Variants in TBL1X observed in about 807,000 individuals in gnomAD.
TBL1X encodes the protein transducin beta like 1 X-linked, also known as F-box-like/WD repeat-containing protein TBL1X.
In TBL1X, 10 loss-of-function variants were observed where a neutral mutation model predicts 50.7. The ratio of observed to expected loss-of-function variants is 0.20; its 90% CI spans 0.12 to 0.33. The LOEUF is 0.33. Ranked by LOEUF, TBL1X falls within the 10% of genes least tolerant of loss-of-function variation. The probability of loss-of-function intolerance (pLI) is 1.00; values close to 1 mark genes in which losing one functional copy is unlikely to be tolerated. For missense variants in TBL1X, 340 were observed against 504.4 expected (o/e 0.67, Z 3.12); for synonymous variants, 190 against 214.7 (o/e 0.88, Z 1.01).
intron 2 of TBL1X, among the ~76,000 whole-genome samples, chrX:9,613,426 G>A (rs767810736): frequency 9.0e-6 from 1 of 111,327 alleles, no homozygotes; most frequent in South Asian, 3.8e-4. Flanking sequence ...CACTTCCTTG[G>A]TTACTGGAAT....
intron 15 of TBL1X, among the ~76,000 whole-genome samples, chrX:9,711,016 A>G (rs1309655295): frequency 8.9e-6 from 1 of 112,129 alleles, no homozygotes; most frequent in Non-Finnish European, 1.9e-5. Context: ...TAAATATTCT[A>G]CAAAAATATT....
At chrX:9,547,061 G>A (rs1426123559) in intron 2 of TBL1X, among the ~76,000 whole-genome samples, 5 of 108,688 alleles carry the variant, frequency 4.6e-5, no homozygotes, top group African/African-American at 1.0e-4. Context: ...CTCGTGATCC[G>A]CCCGCCTCGG....
chrX:9,575,312 A>G (rs770184630), intron 2 of TBL1X, among the ~76,000 whole-genome samples: 3 of 111,426 alleles, frequency 2.7e-5, no homozygotes, highest in Non-Finnish European at 5.7e-5. Context: ...TCGACATGAG[A>G]TTTGGGTGGG....
At chrX:9,658,469 G>T (rs1165551406) in intron 5 of TBL1X, among the ~76,000 whole-genome samples, 1 of 110,722 alleles carries the variant, frequency 9.0e-6, no homozygotes, top group Non-Finnish European at 1.9e-5. Context: ...GGGGAGTCGT[G>T]AGTTGTGTGC....
intron 2 of TBL1X, among the ~76,000 whole-genome samples, chrX:9,631,836 G>A (rs941711711): frequency 3.6e-5 from 4 of 112,525 alleles, no homozygotes; most frequent in African/African-American, 6.5e-5. Context: ...TTTTCCATCC[G>A]AAGTTTTTCT....
In TBL1X at chrX:9,654,286, G is replaced by A; in HGVS notation, c.175G>A (p.Val59Met). The change falls in exon 5 of 18, where the codon GTG becomes ATG. Residue 59 changes from valine (V) to methionine (M), a missense_variant. Val to Met is a conservative substitution (Grantham distance 21, BLOSUM62 1). Transcript: ENST00000645353. ...EAKMSITSDE[V>M]NFLVYRYLQE... Reference sequence around the variant, plus strand: ...TAAGATGAGCATAACCAGTGACGAGGTGAACTTTCTGGTGTATCGGTATCT... The same window carrying A: ...TAAGATGAGCATAACCAGTGACGAGATGAACTTTCTGGTGTATCGGTATCT... The A allele has an allele frequency of 8.3e-7, 1 of 1,210,877 alleles. No individual in the cohort carries two copies. The highest frequency in any genetic ancestry group is 1.1e-6 in the Non-Finnish European group (1 of 895,487).
At chrX:9,669,860 C>G (rs906409157) in intron 5 of TBL1X, among the ~76,000 whole-genome samples, 16 of 111,508 alleles carry the variant, frequency 1.4e-4, no homozygotes, top group African/African-American at 5.2e-4. Context: ...ATTGAAACCA[C>G]CTTTGCAAAA....
intron 1 of TBL1X, among the ~76,000 whole-genome samples, chrX:9,470,727 C>T (rs751884535): frequency 6.7e-4 from 75 of 111,324 alleles, no homozygotes; most frequent in African/African-American, 2.3e-3. Context: ...CTCCGCTTCC[C>T]GGGATCAAGC....
At position 9,509,203 on chromosome X, in the gene TBL1X, T is replaced by C. The variant is rs59106948; in HGVS notation, c.-131+7354T>C. ...GAGATCGAAATCATCCTGGCTAACA[T>C]GGTGAAACACCGTCTCTACTAAAAA... On this transcript the variant is annotated intron_variant, in intron 2 of 17. Coordinates refer to ENST00000645353, the MANE Select transcript of TBL1X (RefSeq NM_005647.4). Among the ~76,000 whole-genome samples the C allele has an allele frequency of 5.3e-3, 566 of 106,361 alleles. 3 individuals carry two copies. Among genetic ancestry groups the C allele is most frequent in the African/African-American group, 0.015 (436 of 29,133 alleles). 92.4% of individuals were successfully genotyped at this position (106,361 alleles called of 115,157 possible).
At chrX:9,690,982 C>T (rs2083093101) in intron 7 of TBL1X, among the ~76,000 whole-genome samples, 1 of 111,547 alleles carries the variant, frequency 9.0e-6, no homozygotes, top group Admixed American at 9.5e-5. Flanking sequence ...TGGTCTCAAG[C>T]AGTCCTCCCT....
At chrX:9,691,481 T>C in intron 7 of TBL1X, 98 bp from the exon 8 acceptor site, 1 of 890,610 alleles carries the variant, frequency 1.1e-6, no homozygotes, top group Admixed American at 3.0e-5. Flanking sequence ...AGGTAGTATT[T>C]AGTACATAAA....
At chrX:9,682,531 A>G (rs1400780790) in intron 5 of TBL1X, among the ~76,000 whole-genome samples, 1 of 112,167 alleles carries the variant, frequency 8.9e-6, no homozygotes, top group Non-Finnish European at 1.9e-5. Flanking sequence ...GAGGGAGAGT[A>G]GACAGAGAAA....
intron 2 of TBL1X, among the ~76,000 whole-genome samples, chrX:9,555,782 A>G (rs758466087): frequency 1.3e-4 from 15 of 111,881 alleles, no homozygotes; most frequent in Admixed American, 4.8e-4. Context: ...GAAATTAGGG[A>G]CTACCATGAA....
intron 2 of TBL1X, among the ~76,000 whole-genome samples, chrX:9,575,820 T>C (rs1401589121): frequency 8.9e-6 from 1 of 111,978 alleles, no homozygotes; most frequent in Non-Finnish European, 1.9e-5. Flanking sequence ...ATAAATATTA[T>C]AATGCTGTGC....
At chrX:9,678,174 A>G (rs1185043634) in intron 5 of TBL1X, among the ~76,000 whole-genome samples, 1 of 110,783 alleles carries the variant, frequency 9.0e-6, no homozygotes, top group Non-Finnish European at 1.9e-5. Context: ...TTTTTTCTGG[A>G]TATTTTTGAT....
chrX:9,710,546 G>A (rs1210067826), intron 15 of TBL1X, among the ~76,000 whole-genome samples: 3 of 111,930 alleles, frequency 2.7e-5, no homozygotes, highest in Non-Finnish European at 5.6e-5. Flanking sequence ...GGTACTATTA[G>A]GAGCATAAAT....
chrX:9,711,488 AG>A, intron 15 of TBL1X, 122 bp from the exon 16 acceptor site: 2 of 663,463 alleles, frequency 3.0e-6, no homozygotes, highest in Non-Finnish European at 4.2e-6. Context: ...AAAGCTTTTT[AG>A]TTATTATCTT....
rs763579837 is a variant in TBL1X, at chrX:9,607,671, C to T, written c.-130-32602C>T. On this transcript the variant is annotated intron_variant, in intron 2 of 17. Coordinates refer to ENST00000645353, the MANE Select transcript of TBL1X (RefSeq NM_005647.4). Reference sequence around the variant, plus strand: ...TTCTTCCCTGGAGAGTTCTCACCTTCCCTGCTTTCCAAGTCCAGCTGAGAT... The same window carrying T: ...TTCTTCCCTGGAGAGTTCTCACCTTTCCTGCTTTCCAAGTCCAGCTGAGAT... 1.7e-3 allele frequency among the ~76,000 whole-genome samples: 194 copies of T among 112,965 alleles called. 1 individual carries two copies. Among genetic ancestry groups the T allele is most frequent in the Non-Finnish European group, 3.1e-3 (163 of 53,369 alleles).
At chrX:9,692,329 G>T in intron 9 of TBL1X, 75 bp downstream of exon 9, 1 of 1,120,568 alleles carries the variant, frequency 8.9e-7, no homozygotes, top group Non-Finnish European at 1.2e-6. Context: ...CTGCAGCAAT[G>T]GAGCCCATGC....
Sources: gnomAD v4.1 joint callset for allele counts (sites outside exome capture counted in the v4.1 genomes callset) on GRCh38, gnomAD v4.1.1 for gene constraint, MANE v1.5 for transcripts, NCBI Gene and HGNC (gene_info 2026-07-23, HGNC 2026-07-21) for gene names.